Variants in PYCR1 observed in about 807,000 individuals in gnomAD.
PYCR1 encodes the protein pyrroline-5-carboxylate reductase 1, mitochondrial.
A neutral mutation model predicts 22.9 loss-of-function variants in PYCR1; 19 were observed. That is an observed-to-expected ratio of 0.83 (90% CI 0.58 to 1.22). PYCR1 has a LOEUF of 1.22. PYCR1 is among the 50% of genes most tolerant of loss of function. PYCR1 has a pLI of 0.00. For synonymous variants in PYCR1, 175 were observed against 180.5 expected (o/e 0.97, Z 0.24); for missense variants, 429 against 431.3 (o/e 0.99, Z 0.05).
chr17:81,934,590 C>G, intron 5 of PYCR1, 63 bp downstream of exon 5: 1 of 1,549,300 alleles, frequency 6.5e-7, no homozygotes, highest in South Asian at 1.2e-5. Flanking sequence ...CTTGGCTCCT[C>G]CCAGTGAAGC....
rs2041220216 is a variant in PYCR1, at chr17:81,937,062, G to T, written c.-248C>A. 7.0e-7 allele frequency: 1 copy of T among 1,433,340 alleles called. No homozygotes were observed. The highest frequency in any genetic ancestry group is 1.5e-5 in the South Asian group (1 of 68,088). 88.8% of individuals were successfully genotyped at this position (1,433,340 alleles called of 1,614,324 possible). The stretch of plus-strand genomic sequence containing the variant: ...GCTGCCTAGGGTCCCGCACCCACTG[G>T]AGGGGTGGAGGTTCCGCAGAAGAAA... On this transcript the variant is annotated 5_prime_UTR_variant, in exon 1 of 7. Transcript: ENST00000329875.
chr17:81,934,837 A>T, intron 4 of PYCR1, 89 bp downstream of exon 4: 3 of 1,551,680 alleles, frequency 1.9e-6, no homozygotes, highest in Non-Finnish European at 2.6e-6. Flanking sequence ...GGAGCCCTCC[A>T]CCCTGGCCCT....
Position 81,934,980 on chromosome 17 carries a change from C to T in PYCR1, c.486G>A (p.Val162=), listed in dbSNP as rs763848299. The T allele has an allele frequency of 1.2e-6, 2 of 1,609,628 alleles. No individual in the cohort carries two copies. Among genetic ancestry groups the T allele is most frequent in the African/African-American group, 2.7e-5 (2 of 74,878 alleles). Residue 162 remains valine, a synonymous_variant, in exon 4 of 7, where the codon GTG becomes GTA. Transcript: ENST00000329875. ...TGACGGCATCAATCAGGTCCTCTTC[C>T]ACCTCCGTGCAGAAGCCCACGCTGC... The part of the protein sequence containing the change: ...LLSSVGFCTE[V]EEDLIDAVTG...
chr17:81,935,128 G>T lies in PYCR1; in HGVS notation c.338C>A (p.Pro113Gln), dbSNP rs748704329. 3 of 1,608,432 alleles carry T rather than the reference G, an allele frequency of 1.9e-6. No homozygotes were observed. Among genetic ancestry groups the T allele is most frequent in the South Asian group, 2.2e-5 (2 of 91,000 alleles). The change falls in exon 4 of 7, where the codon CCA becomes CAA. Residue 113 changes from proline to glutamine, a missense_variant. Pro to Gln is a moderately conservative substitution (Grantham distance 76). Transcript: ENST00000329875. ...CATGCAGCGGATGACCCTGGGGGCT[G>T]GCCGAAACGCTGACAGCTTCTGGAA... is the stretch of plus-strand genomic sequence containing the variant. ...SIEKKLSAFR[P>Q]APRVIRCMTN...
intron 1 of PYCR1, among the ~76,000 whole-genome samples, chr17:81,936,531 A>C (rs2041199579): frequency 6.6e-6 from 1 of 152,168 alleles, no homozygotes; most frequent in African/African-American, 2.4e-5. Context: ...GGCCGGAAAC[A>C]GTTCCTCTTC....
rs548811908 is a variant in PYCR1 at position 81,935,707 on chromosome 17, T to C, written c.139-191A>G. 1.1e-3 allele frequency among the ~76,000 whole-genome samples: 166 copies of C among 152,254 alleles called. 2 individuals carry two copies. The highest frequency in any genetic ancestry group is 1.9e-4 in the East Asian group (1 of 5,174). On this transcript the variant is annotated intron_variant, in intron 2 of 6. Transcript: ENST00000329875. ...AATGGAGGAAGAACTCTGTGTGGAA[T>C]ATGTCCCTGCTGCAGACAGAAAAGG...
intron 4 of PYCR1, 48 bp from the exon 5 acceptor site, chr17:81,934,793 T>A: frequency 6.5e-7 from 1 of 1,537,904 alleles, no homozygotes; most frequent in Non-Finnish European, 8.8e-7. Flanking sequence ...TTCTCCTCCT[T>A]CCCTTCTGGG....
In PYCR1 at chr17:81,932,640, C is replaced by A. The variant is rs2041018422; in HGVS notation, c.*574G>T. The A allele has an allele frequency of 8.5e-6, 5 of 587,718 alleles. No homozygotes were observed. 36.4% of individuals were successfully genotyped at this position (587,718 alleles called of 1,614,324 possible). A position where few individuals can be genotyped will look rare whatever the true frequency, so the allele number is the denominator to read the frequency against. The stretch of plus-strand genomic sequence containing the variant: ...GGAGGTCAGGAGCAGGAGGTGGTGG[C>A]CACAGAAGTTCACCAGCAGCCCAAG... On this transcript the variant is annotated 3_prime_UTR_variant, in exon 7 of 7. Coordinates refer to ENST00000329875, the MANE Select transcript of PYCR1 (RefSeq NM_006907.4).
intron 5 of PYCR1, 56 bp from the exon 6 acceptor site, chr17:81,934,545 C>A: frequency 6.4e-7 from 1 of 1,557,088 alleles, no homozygotes; most frequent in Non-Finnish European, 8.7e-7. Flanking sequence ...CTGCGGGGCA[C>A]TGCCCCAGCC....
At chr17:81,936,047 T>C in intron 2 of PYCR1, 76 bp downstream of exon 2, 4 of 1,535,086 alleles carry the variant, frequency 2.6e-6, no homozygotes, top group Non-Finnish European at 3.6e-6. Flanking sequence ...GGGTGGGGGC[T>C]ACAGCACACA....
At chr17:81,933,615 G>A (rs1022685483) in intron 6 of PYCR1, among the ~76,000 whole-genome samples, 4 of 152,184 alleles carry the variant, frequency 2.6e-5, no homozygotes, top group African/African-American at 4.8e-5. Flanking sequence ...CTGAGTTCTC[G>A]TGGCCCCACC....
At position 81,937,095 on chromosome 17, in the gene PYCR1, G is replaced by T; in HGVS notation, c.-281C>A. 2 of 1,430,762 alleles carry T rather than the reference G, an allele frequency of 1.4e-6. No individual in the cohort carries two copies. The highest frequency in any genetic ancestry group is 3.0e-5 in the South Asian group (2 of 67,520). 88.6% of individuals were successfully genotyped at this position (1,430,762 alleles called of 1,614,324 possible). A position where few individuals can be genotyped will look rare whatever the true frequency, so the allele number is the denominator to read the frequency against. Reference sequence around the variant, plus strand: ...GAGGTTCCGCAGAAGAAATGACTGGGAAGGGGGAAAAGTACGGGGAGAGGG... The same window carrying T: ...GAGGTTCCGCAGAAGAAATGACTGGTAAGGGGGAAAAGTACGGGGAGAGGG... On this transcript the variant is annotated 5_prime_UTR_variant, in exon 1 of 7. Transcript: ENST00000329875.
At chr17:81,934,171 A>T in intron 6 of PYCR1, 155 bp downstream of exon 6, 1 of 1,088,130 alleles carries the variant, frequency 9.2e-7, no homozygotes, top group Non-Finnish European at 1.4e-6. Flanking sequence ...TGCCCACAGT[A>T]ACCCAGGGAA....
In PYCR1 at chr17:81,936,762, C is replaced by T; in HGVS notation, c.53G>A (p.Gly18Asp). Residue 18 changes from glycine (G) to aspartate (D), a missense_variant, in exon 1 of 7, where the codon GGC becomes GAC. Gly to Asp is a moderately conservative substitution (Grantham distance 94). Transcript: ENST00000329875. The part of the protein sequence containing the change: ...AGQLAFALAK[G>D]FTAAGVLAAH... ...TGGGGGCCTACCTGCTGCTGTGAAGCCCTTGGCCAGGGCAAAAGCCAGCTG... is the reference window on the plus strand; with the variant it reads ...TGGGGGCCTACCTGCTGCTGTGAAGTCCTTGGCCAGGGCAAAAGCCAGCTG... 1 of 1,609,584 alleles carries T rather than the reference C, an allele frequency of 6.2e-7. No individual in the cohort carries two copies. Among genetic ancestry groups the T allele is most frequent in the Non-Finnish European group, 8.5e-7 (1 of 1,178,774 alleles).
chr17:81,936,286 C>A, intron 1 of PYCR1, 93 bp from the exon 2 acceptor site: 2 of 1,266,332 alleles, frequency 1.6e-6, no homozygotes, highest in South Asian at 1.2e-5. Context: ...AGTGCAGTGG[C>A]GCAATCTCGG....
chr17:81,933,561 A>C (rs1598352616), intron 6 of PYCR1, among the ~76,000 whole-genome samples, 185 bp from the exon 7 acceptor site: 1 of 152,140 alleles, frequency 6.6e-6, no homozygotes, highest in African/African-American at 2.4e-5. Context: ...ACCTCATTCG[A>C]ATCAGCTCAG....
At position 81,934,707 on chromosome 17, in the gene PYCR1, C is replaced by T. The variant is rs1406361129; in HGVS notation, c.579G>A (p.Val193=). 2.5e-6 allele frequency: 4 copies of T among 1,572,100 alleles called. No homozygotes were observed. Among genetic ancestry groups the T allele is most frequent in the African/African-American group, 2.7e-5 (2 of 73,706 alleles). Residue 193 remains valine, a synonymous_variant, in exon 5 of 7, where the codon GTG becomes GTA. Coordinates refer to ENST00000329875, the MANE Select transcript of PYCR1 (RefSeq NM_006907.4). ...TALDALADGG[V]KMGLPRRLAV... ...CCAGGCGCCTTGGAAGTCCCATCTTCACACCCCCATCAGCCAGGGCATCCA... is the reference window on the plus strand; with the variant it reads ...CCAGGCGCCTTGGAAGTCCCATCTTTACACCCCCATCAGCCAGGGCATCCA...
chr17:81,933,406 AGCACAAGCGT>A, intron 6 of PYCR1, 30 bp from the exon 7 acceptor site: 1 of 1,612,112 alleles, frequency 6.2e-7, no homozygotes, highest in Non-Finnish European at 8.5e-7. Context: ...TTGGCTTTGG[AGCACAAGCGT>A]GCACCCAGGA....
At position 81,935,092 on chromosome 17, in the gene PYCR1, G is replaced by A. The variant is rs2143879539; in HGVS notation, c.374C>T (p.Pro125Leu). The A allele has an allele frequency of 3.7e-6, 6 of 1,610,600 alleles. No individual in the cohort carries two copies. The highest frequency in any genetic ancestry group is 5.1e-6 in the Non-Finnish European group (6 of 1,179,984). The change falls in exon 4 of 7, where the codon CCA becomes CTA. Residue 125 changes from proline to leucine, a missense_variant. By Grantham distance (98) the Pro-to-Leu change is moderately conservative. Coordinates refer to ENST00000329875, the MANE Select transcript of PYCR1 (RefSeq NM_006907.4). ...GGTGGCCCCCTCCCGCACCACGACT[G>A]GAGTGTTGGTCATGCAGCGGATGAC... is the stretch of plus-strand genomic sequence containing the variant. ...PRVIRCMTNT[P>L]VVVREGATVY...
Sources: gnomAD v4.1 joint callset for allele counts (sites outside exome capture counted in the v4.1 genomes callset) on GRCh38, gnomAD v4.1.1 for gene constraint, MANE v1.5 for transcripts, NCBI Gene and HGNC (gene_info 2026-07-23, HGNC 2026-07-21) for gene names.